The following CNIH3 variants were observed in gnomAD, a reference collection of about 807,000 sequenced individuals.
CNIH3 encodes the protein cornichon family AMPA receptor auxiliary protein 3.
In CNIH3, 14 loss-of-function variants were observed where a neutral mutation model predicts 24.1. The ratio of observed to expected loss-of-function variants is 0.58; its 90% CI spans 0.38 to 0.91. CNIH3 has a LOEUF of 0.91. Among genes scored for constraint, CNIH3 ranks in the 40% least tolerant of loss-of-function variants. CNIH3 has a pLI of 0.00. For missense variants in CNIH3, 178 were observed against 196.8 expected (o/e 0.90, Z 0.57); for synonymous variants, 68 against 73.8 (o/e 0.92, Z 0.40).
At chr1:224,434,993 C>T in intron 1 of CNIH3, 3 of 985,530 alleles carry the variant, frequency 3.0e-6, no homozygotes, top group Non-Finnish European at 3.6e-6. Flanking sequence ...CTATCCGATC[C>T]TATCCCCGGC....
chr1:224,484,055 C>T (rs2124827703), intron 1 of CNIH3, among the ~76,000 whole-genome samples: 1 of 151,902 alleles, frequency 6.6e-6, no homozygotes, highest in South Asian at 2.1e-4. Flanking sequence ...CCTGTAATCC[C>T]AGCTACTCTG....
intron 1 of CNIH3, among the ~76,000 whole-genome samples, chr1:224,516,697 G>A (rs1678399554): frequency 6.6e-6 from 1 of 152,218 alleles, no homozygotes; most frequent in Non-Finnish European, 1.5e-5. Context: ...GGTCTGCACT[G>A]CAAGAGCAGA....
chr1:224,557,804 A>G (rs935467739), intron 3 of CNIH3, among the ~76,000 whole-genome samples: 6 of 152,182 alleles, frequency 3.9e-5, no homozygotes, highest in Non-Finnish European at 1.5e-5. Context: ...TCAGTGGGAT[A>G]TGTTCATACT....
chr1:224,649,877 C>A (rs1486139672), intron 1 of CNIH3, among the ~76,000 whole-genome samples: 1 of 152,136 alleles, frequency 6.6e-6, no homozygotes, highest in Non-Finnish European at 1.5e-5. Flanking sequence ...AGAATGTGTG[C>A]AAGCTTAAAC....
At chr1:224,497,004 A>G (rs1445746827) in intron 1 of CNIH3, among the ~76,000 whole-genome samples, 1 of 152,252 alleles carries the variant, frequency 6.6e-6, no homozygotes, top group Non-Finnish European at 1.5e-5. Context: ...TGGATAAACA[A>G]AATGTGGTAT....
At chr1:224,481,311 A>G (rs1311247343) in intron 1 of CNIH3, among the ~76,000 whole-genome samples, 1 of 152,222 alleles carries the variant, frequency 6.6e-6, no homozygotes, top group African/African-American at 2.4e-5. Context: ...AACCATATCA[A>G]TCAGTGTCTA....
At chr1:224,603,002 G>A (rs1682270428) in intron 3 of CNIH3, among the ~76,000 whole-genome samples, 1 of 152,154 alleles carries the variant, frequency 6.6e-6, no homozygotes, top group Admixed American at 6.5e-5. Context: ...CAAAACCACA[G>A]AAACAATCTG....
rs1160657017 is a variant in CNIH3, at chr1:224,504,994, TTCCCTCCCTCCC to T, written n.204-10717_204-10706del. On this transcript the variant is annotated intron_variant and non_coding_transcript_variant, in intron 1 of 5. Transcript: ENST00000471578. Reference sequence around the variant, plus strand: ...GTGTAAGCTCTTTATTATTTTCCCTTTCCCTCCCTCCCTCCCTCCCTCCCTCCCTCCCTCCCT... The same window carrying T: ...GTGTAAGCTCTTTATTATTTTCCCTTTCCCTCCCTCCCTCCCTCCCTCCCT... Among the ~76,000 whole-genome samples, 30 of 67,962 alleles carry T rather than the reference TTCCCTCCCTCCC, an allele frequency of 4.4e-4. 1 individual carries two copies. The highest frequency in any genetic ancestry group is 9.3e-3 in the Middle Eastern group (1 of 108). The allele number at this position is 67,962 out of a possible 152,430, so 44.6% of individuals were successfully genotyped here. A position where few individuals can be genotyped will look rare whatever the true frequency, so the allele number is the denominator to read the frequency against.
intron 1 of CNIH3, among the ~76,000 whole-genome samples, chr1:224,438,974 T>C (rs1003601934): frequency 6.6e-6 from 1 of 152,172 alleles, no homozygotes; most frequent in African/African-American, 2.4e-5. Flanking sequence ...AGGTGTAAGA[T>C]GGTTTTTTGG....
chr1:224,561,131 G>A (rs956870797), intron 3 of CNIH3, among the ~76,000 whole-genome samples: 4 of 152,090 alleles, frequency 2.6e-5, no homozygotes, highest in Non-Finnish European at 4.4e-5. Context: ...GTCTGGTTAT[G>A]AGCCTCTTAG....
chr1:224,674,655 C>A lies in CNIH3; in HGVS notation c.82-6303C>A, dbSNP rs1475416528. On this transcript the variant is annotated intron_variant, in intron 1 of 5. Transcript: ENST00000272133. ...AATAGGCTAGAGGGTTGGGGCAGCA[C>A]CTTTTGGGCTGAACTTGCCTAAGCC... Among the ~76,000 whole-genome samples the A allele has an allele frequency of 3.3e-5, 5 of 151,988 alleles. 1 individual carries two copies. Among genetic ancestry groups the A allele is most frequent in the Non-Finnish European group, 7.4e-5 (5 of 68,010 alleles).
chr1:224,479,144 C>CTTTTTT (rs35188696), intron 1 of CNIH3, among the ~76,000 whole-genome samples: 1 of 53,690 alleles, frequency 1.9e-5, no homozygotes, highest in Non-Finnish European at 3.2e-5. Flanking sequence ...CCCCCAAAGT[C>CTTTTTT]TTTTTTTTTT....
At chr1:224,720,647 C>T (rs1183651980) in intron 3 of CNIH3, among the ~76,000 whole-genome samples, 1 of 152,116 alleles carries the variant, frequency 6.6e-6, no homozygotes, top group Non-Finnish European at 1.5e-5. Context: ...TATCATCTGC[C>T]CCGTGCTGAG....
At chr1:224,626,477 T>A (rs1683530824) in intron 1 of CNIH3, among the ~76,000 whole-genome samples, 1 of 152,194 alleles carries the variant, frequency 6.6e-6, no homozygotes, top group Non-Finnish European at 1.5e-5. Flanking sequence ...TATGCTAAAA[T>A]AAAGCCCAAA....
upstream of CNIH3, among the ~76,000 whole-genome samples, chr1:224,512,945 T>C (rs1678218083): frequency 1.3e-5 from 2 of 152,362 alleles, no homozygotes; most frequent in East Asian, 3.9e-4. Context: ...TCCTTTGGCC[T>C]CTTTGAACCT....
Position 224,653,837 on chromosome 1 carries a change from C to T in CNIH3, c.82-27121C>T, listed in dbSNP as rs528744084. ...GTGCACACCTGTAATCCCAGCACTT[C>T]GGTAGGCCGAGGCAGGCTGACTGCT... On this transcript the variant is annotated intron_variant, in intron 1 of 5. Transcript: ENST00000272133. 2.6e-5 allele frequency among the ~76,000 whole-genome samples: 4 copies of T among 152,122 alleles called. No homozygotes were observed. In the East Asian group the frequency reaches 7.8e-4, roughly 30 times the overall value.
In CNIH3 at chr1:224,626,747, G is replaced by A. The variant is rs946016187; in HGVS notation, c.81+9492G>A. ...ATAGCATTGACCTACCTCTCCAGCC[G>A]GTCTCCCACAACTCCCCATCTCACA... On this transcript the variant is annotated intron_variant, in intron 1 of 5. Transcript: ENST00000272133. Among the ~76,000 whole-genome samples the A allele has an allele frequency of 5.3e-5, 8 of 152,174 alleles. No individual in the cohort carries two copies. The East Asian group carries it at 9.7e-4, about 18-fold the overall frequency.
chr1:224,739,399 C>A lies in CNIH3; in HGVS notation c.*43C>A. Reference sequence around the variant, plus strand: ...TCATCAGAGACTGAGATGGGAGAGGCCTGAGACGGAGAGGTGCATTTCTGC... The same window carrying A: ...TCATCAGAGACTGAGATGGGAGAGGACTGAGACGGAGAGGTGCATTTCTGC... On this transcript the variant is annotated 3_prime_UTR_variant, in exon 6 of 6. Transcript: ENST00000272133. 6.3e-7 allele frequency: 1 copy of A among 1,593,166 alleles called. No homozygotes were observed. Among genetic ancestry groups the A allele is most frequent in the South Asian group, 1.1e-5 (1 of 87,500 alleles).
intron 4 of CNIH3, among the ~76,000 whole-genome samples, chr1:224,580,068 C>T (rs1273999931): frequency 6.6e-6 from 1 of 152,110 alleles, no homozygotes; most frequent in African/African-American, 2.4e-5. Flanking sequence ...TTATCCCTAC[C>T]CTCAGCTGTG....
Sources: allele counts gnomAD v4.1 joint callset (sites outside exome capture counted in the v4.1 genomes callset), GRCh38; gene constraint gnomAD v4.1.1; transcripts MANE v1.5; gene names NCBI Gene and HGNC (gene_info 2026-07-23, HGNC 2026-07-21).